Variants in ARAP3 observed in about 807,000 individuals in gnomAD.
ARAP3 encodes ArfGAP with RhoGAP domain, ankyrin repeat and PH domain 3.
In ARAP3, 82 loss-of-function variants were observed where a neutral mutation model predicts 169.2. That is an observed-to-expected ratio of 0.48 (90% CI 0.41 to 0.58). ARAP3 has a LOEUF of 0.58. Ranked by LOEUF, ARAP3 falls within the 20% of genes least tolerant of loss-of-function variation. The pLI is 0.00. For missense variants in ARAP3, 1,764 were observed against 2,018.0 expected (o/e 0.87, Z 2.41); for synonymous variants, 791 against 800.3 (o/e 0.99, Z 0.20).
At chr5:141,676,730 A>G (rs1186785552) in intron 4 of ARAP3, among the ~76,000 whole-genome samples, 1 of 151,802 alleles carries the variant, frequency 6.6e-6, no homozygotes, top group East Asian at 1.9e-4. Context: ...CTTCTCCCAA[A>G]CCTCTAGATA....
chr5:141,656,372 G>T, intron 27 of ARAP3, 96 bp from the exon 28 acceptor site: 1 of 1,600,422 alleles, frequency 6.2e-7, no homozygotes, highest in South Asian at 1.1e-5. Context: ...GTGGTCACAG[G>T]GTCACAGAAG....
At chr5:141,656,876 C>T in intron 25 of ARAP3, 30 bp from the exon 26 acceptor site, 1 of 1,601,280 alleles carries the variant, frequency 6.2e-7, no homozygotes, top group South Asian at 1.1e-5. Context: ...GTTTATATAT[C>T]AATCAGAATA....
intron 6 of ARAP3, 96 bp downstream of exon 6, chr5:141,673,305 C>CA: frequency 1.3e-6 from 2 of 1,566,216 alleles, no homozygotes; most frequent in Admixed American, 1.7e-5. Flanking sequence ...ACTGCCCCGC[C>CA]CACACACACA....
chr5:141,673,397 C>A lies in ARAP3; in HGVS notation c.972+4G>T. On this transcript the variant is annotated splice_donor_region_variant and intron_variant, in intron 6 of 32. Transcript: ENST00000239440. ...CCATATCGTCACATCTCCCAGCCCC[C>A]CACCTTGTCACTGCCAAAGTACATC... 1 of 1,614,124 alleles carries A rather than the reference C, an allele frequency of 6.2e-7. No homozygotes were observed.
Position 141,656,585 on chromosome 5 carries a change from T to G in ARAP3, c.3708A>C (p.Pro1236=), listed in dbSNP as rs201804177. 5 of 1,612,666 alleles carry G rather than the reference T, an allele frequency of 3.1e-6. No individual in the cohort carries two copies. Among genetic ancestry groups the G allele is most frequent in the Non-Finnish European group, 8.5e-7 (1 of 1,179,494 alleles). ...RVGLLRCREE[P]PRLLGSRFQE... ...GGAAGCGGCTTCCCAGCAAGCGAGGTGGCTCCTCACGACACCGCAACAGCC... is the reference window on the plus strand; with the variant it reads ...GGAAGCGGCTTCCCAGCAAGCGAGGGGGCTCCTCACGACACCGCAACAGCC... Residue 1236 remains proline (P), a synonymous_variant, in exon 27 of 33, where the codon CCA becomes CCC. Transcript: ENST00000239440.
Position 141,653,939 on chromosome 5 carries a change from T to C in ARAP3, c.*11A>G, listed in dbSNP as rs749496496. ...TCTGGTACCTACCCTCTCAGACTGC[T>C]GGTCCTAGGGTCATGTGAGGGGCTG... On this transcript the variant is annotated 3_prime_UTR_variant, in exon 33 of 33. Coordinates refer to ENST00000239440, the MANE Select transcript of ARAP3 (RefSeq NM_022481.6). The C allele has an allele frequency of 6.0e-5, 91 of 1,513,328 alleles. No homozygotes were observed. The highest frequency in any genetic ancestry group is 7.6e-5 in the Non-Finnish European group (86 of 1,131,716). 93.7% of individuals were successfully genotyped at this position (1,513,328 alleles called of 1,614,324 possible). A position where few individuals can be genotyped will look rare whatever the true frequency, so the allele number is the denominator to read the frequency against.
intron 4 of ARAP3, among the ~76,000 whole-genome samples, chr5:141,677,970 C>T (rs112107720): frequency 0.016 from 2,327 of 143,242 alleles, 74 homozygotes; most frequent in African/African-American, 0.055. Flanking sequence ...TTTTTTGAGA[C>T]GGAGTCCTGC....
chr5:141,655,253 CACACA>C (rs2099909110), intron 32 of ARAP3, 104 bp downstream of exon 32: 724 of 1,193,080 alleles, frequency 6.1e-4, no homozygotes, highest in Non-Finnish European at 7.7e-4. Flanking sequence ...CACACACACA[CACACA>C]CCCCCTGATG....
In ARAP3 at chr5:141,666,617, C is replaced by G. The variant is rs762672161; in HGVS notation, c.2379G>C (p.Gln793His). 4 of 1,454,936 alleles carry G rather than the reference C, an allele frequency of 2.7e-6. No individual in the cohort carries two copies. 90.1% of individuals were successfully genotyped at this position (1,454,936 alleles called of 1,614,324 possible). A position where few individuals can be genotyped will look rare whatever the true frequency, so the allele number is the denominator to read the frequency against. ...GKWFSPLSCHQLLGPGLLRLG... is the reference protein window; with the variant it reads ...GKWFSPLSCHHLLGPGLLRLG... ...GCCGCAGCAGCCCGGGGCCCAGCAG[C>G]TGGTGGCAGCTCAGCGGGGAGAACC... Residue 793 changes from glutamine to histidine, a missense_variant, in exon 17 of 33, where the codon CAG becomes CAC. Physicochemically the swap from Gln to His is conservative, Grantham distance 24 (BLOSUM62 0). Transcript: ENST00000239440.
Position 141,672,005 on chromosome 5 carries a change from G to C in ARAP3, c.1586-25C>G. On this transcript the variant is annotated intron_variant, in intron 10 of 32. Coordinates refer to ENST00000239440, the MANE Select transcript of ARAP3 (RefSeq NM_022481.6). This position sits in a 1 kb window ranked among gnomAD's most constrained non-coding sequence, Gnocchi z 4.9. Reference sequence around the variant, plus strand: ...CCTGTGAGGGTGTGAGGGTGTGTGAGGGTGTGTGAGGGTGTGAGGGGCATG... The same window carrying C: ...CCTGTGAGGGTGTGAGGGTGTGTGACGGTGTGTGAGGGTGTGAGGGGCATG... 6.2e-7 allele frequency: 1 copy of C among 1,613,998 alleles called. No individual in the cohort carries two copies. The highest frequency in any genetic ancestry group is 1.1e-5 in the South Asian group (1 of 91,078).
chr5:141,665,240 C>A (rs2099910479), intron 18 of ARAP3, 71 bp downstream of exon 18: 5 of 1,584,496 alleles, frequency 3.2e-6, no homozygotes, highest in Admixed American at 3.5e-5. Context: ...AATGGCCCAG[C>A]AGGCCAGGTT....
chr5:141,675,440 G>T (rs73287724), intron 4 of ARAP3, among the ~76,000 whole-genome samples: 130 of 152,042 alleles, frequency 8.6e-4, no homozygotes, highest in African/African-American at 3.0e-3. Flanking sequence ...AATAAAAAAG[G>T]CTGGGCGTGG....
chr5:141,662,361 G>A (rs190394282), intron 19 of ARAP3, 106 bp from the exon 20 acceptor site: 11 of 1,059,584 alleles, frequency 1.0e-5, no homozygotes, highest in Admixed American at 6.1e-5. Flanking sequence ...TGGGGGCATG[G>A]GATTCAGAGA....
chr5:141,662,921 T>C (rs1296951909), intron 19 of ARAP3, among the ~76,000 whole-genome samples: 1 of 152,098 alleles, frequency 6.6e-6, no homozygotes, highest in Admixed American at 6.5e-5. Context: ...ACAATATATA[T>C]AAAATAAGGT....
intron 31 of ARAP3, 84 bp from the exon 32 acceptor site, chr5:141,655,484 A>G: frequency 6.5e-7 from 1 of 1,540,152 alleles, no homozygotes; most frequent in Non-Finnish European, 8.9e-7. Context: ...GGGGTGGGGA[A>G]TGGGGGTGAA....
intron 6 of ARAP3, 61 bp from the exon 7 acceptor site, chr5:141,673,194 T>C (rs565846474): frequency 1.2e-6 from 2 of 1,609,020 alleles, no homozygotes; most frequent in Non-Finnish European, 1.7e-6. Context: ...TGCCAGCCCC[T>C]GGGTCCTGCC....
At position 141,672,656 on chromosome 5, in the gene ARAP3, G is replaced by A; in HGVS notation, c.1281C>T (p.Ala427=). ...GELALYKSEQ[A]FSLGIGICFI... ...AGCAGATCCCGATGCCCAGAGAGAA[G>A]GCCTGGTGGGGTCAGGGGGTGGGCA... Residue 427 remains alanine (A), a splice_region_variant and synonymous_variant, in exon 9 of 33, where the codon GCC becomes GCT. Transcript: ENST00000239440. This position sits in a 1 kb window ranked among gnomAD's most constrained non-coding sequence, Gnocchi z 4.9. The A allele has an allele frequency of 6.2e-7, 1 of 1,613,856 alleles. No individual in the cohort carries two copies. Among genetic ancestry groups the A allele is most frequent in the African/African-American group, 1.3e-5 (1 of 75,050 alleles).
At position 141,666,637 on chromosome 5, in the gene ARAP3, A is replaced by C. The variant is rs2099910685; in HGVS notation, c.2359T>G (p.Ser787Ala). The C allele has an allele frequency of 7.0e-7, 1 of 1,419,990 alleles. No homozygotes were observed. The highest frequency in any genetic ancestry group is 1.5e-5 in the African/African-American group (1 of 68,604). The allele number at this position is 1,419,990 out of a possible 1,614,324, so 88.0% of individuals were successfully genotyped here. Residue 787 changes from serine to alanine, a missense_variant, in exon 17 of 33, where the codon TCC becomes GCC. Ser to Ala is a moderately conservative substitution (Grantham distance 99). Transcript: ENST00000239440. ...AGCAGCTGGTGGCAGCTCAGCGGGG[A>C]GAACCACTGTAGAGGCAGGGGGAGG... Reference protein sequence around the residue: ...AWTSAVGKWFSPLSCHQLLGP... With the variant: ...AWTSAVGKWFAPLSCHQLLGP...
Position 141,679,498 on chromosome 5 carries a change from C to T in ARAP3, c.698+47G>A, listed in dbSNP as rs10058754. ...GAATAACTGGATACATGGCCGCCAC[C>T]GACTCACCTGCTCCTCCCTCCCACC... On this transcript the variant is annotated intron_variant, in intron 4 of 32. Coordinates refer to ENST00000239440, the MANE Select transcript of ARAP3 (RefSeq NM_022481.6). The T allele has an allele frequency of 1.8e-3, 2,911 of 1,575,382 alleles. 56 individuals are homozygous for T. In the African/African-American group the frequency reaches 0.035, roughly 19 times the overall value.
Sources: allele counts gnomAD v4.1 joint callset (sites outside exome capture counted in the v4.1 genomes callset), GRCh38; gene constraint gnomAD v4.1.1; non-coding constraint Gnocchi (gnomAD v3.1); transcripts MANE v1.5; gene names NCBI Gene and HGNC (gene_info 2026-07-23, HGNC 2026-07-21).